SLC25A4: variants seen among roughly 807,000 people sequenced by gnomAD.
The protein encoded by SLC25A4 is ADP/ATP translocase 1.
Under a neutral mutation model 24.7 loss-of-function variants are expected in SLC25A4, and 10 were observed. The ratio of observed to expected loss-of-function variants is 0.41; its 90% CI spans 0.25 to 0.69. SLC25A4 has a LOEUF of 0.69. SLC25A4 is among the 30% of genes least tolerant of loss of function. The probability of loss-of-function intolerance (pLI) is 0.35; values close to 1 mark genes in which losing one functional copy is unlikely to be tolerated. For missense variants in SLC25A4, 273 were observed against 387.6 expected (o/e 0.70, Z 2.48); for synonymous variants, 125 against 153.3 (o/e 0.82, Z 1.36).
Position 185,144,652 on chromosome 4 carries a change from C to T in SLC25A4, c.112-112C>T, listed in dbSNP as rs147642953. Reference sequence around the variant, plus strand: ...TCAGTATCCATTTGATTTCCTCATCCTTTTTTTCTTCAAAAAAAAAATCTA... The same window carrying T: ...TCAGTATCCATTTGATTTCCTCATCTTTTTTTTCTTCAAAAAAAAAATCTA... On this transcript the variant is annotated intron_variant, in intron 1 of 3. Transcript: ENST00000281456. 4.0e-6 allele frequency: 4 copies of T among 1,002,244 alleles called. No homozygotes were observed. In the East Asian group the frequency reaches 9.9e-5, roughly 25 times the overall value. 62.1% of individuals were successfully genotyped at this position (1,002,244 alleles called of 1,614,324 possible). A position where few individuals can be genotyped will look rare whatever the true frequency, so the allele number is the denominator to read the frequency against.
At position 185,143,339 on chromosome 4, in the gene SLC25A4, G is replaced by A. The variant is rs1734377829; in HGVS notation, c.-34G>A. 3.8e-6 allele frequency: 5 copies of A among 1,324,380 alleles called. No homozygotes were observed. The highest frequency in any genetic ancestry group is 5.2e-6 in the Non-Finnish European group (5 of 953,662). 82.0% of individuals were successfully genotyped at this position (1,324,380 alleles called of 1,614,324 possible). The stretch of plus-strand genomic sequence containing the variant: ...CGGGCGTGGGCGAGAGCACGAACGG[G>A]CTGCCTGCGGGCTGAGAGCGTCGAG... On this transcript the variant is annotated 5_prime_UTR_variant, in exon 1 of 4. Transcript: ENST00000281456.
rs1734427342 is a variant in SLC25A4, at chr4:185,145,558, G to A, written c.599-201G>A. The A allele has an allele frequency of 1.5e-6, 1 of 686,850 alleles. No homozygotes were observed. The highest frequency in any genetic ancestry group is 1.9e-5 in the South Asian group (1 of 52,582). The allele number at this position is 686,850 out of a possible 1,614,324, so 42.5% of individuals were successfully genotyped here. On this transcript the variant is annotated intron_variant, in intron 2 of 3. Transcript: ENST00000281456. This position sits in a 1 kb window ranked among gnomAD's most constrained non-coding sequence, Gnocchi z 5.5. ...ACTTCCAATGCCCTGTATACAAGCTGAGCACTGCCCCTCCGGGGTCCGGAG... is the reference window on the plus strand; with the variant it reads ...ACTTCCAATGCCCTGTATACAAGCTAAGCACTGCCCCTCCGGGGTCCGGAG...
At chr4:185,144,717 T>G (rs1407210587) in intron 1 of SLC25A4, 47 bp from the exon 2 acceptor site, 2 of 1,596,098 alleles carry the variant, frequency 1.3e-6, no homozygotes, top group Admixed American at 3.3e-5. Context: ...CCTCTTCCCT[T>G]CTCTCTACCC....
intron 3 of SLC25A4, among the ~76,000 whole-genome samples, chr4:185,146,346 T>G (rs181098842): frequency 2.0e-5 from 3 of 152,088 alleles, no homozygotes; most frequent in Non-Finnish European, 4.4e-5. Context: ...CTTCTATAGG[T>G]TGAACCATAC....
Position 185,150,376 on chromosome 4 carries a change from C to G in SLC25A4, c.*3405C>G, listed in dbSNP as rs549902846. ...TGTCAAGCCCTTAAATAAAATTTAA[C>G]AAAGTCTACCGTGTCACAAATTCTT... On this transcript the variant is annotated 3_prime_UTR_variant, in exon 4 of 4. Coordinates refer to ENST00000281456, the MANE Select transcript of SLC25A4 (RefSeq NM_001151.4). The G allele has an allele frequency of 6.6e-6, 1 of 152,194 alleles. No homozygotes were observed. The highest frequency in any genetic ancestry group is 2.4e-5 in the African/African-American group (1 of 41,454). 9.4% of individuals were successfully genotyped at this position (152,194 alleles called of 1,614,324 possible).
intron 3 of SLC25A4, 84 bp from the exon 4 acceptor site, chr4:185,146,730 G>A: frequency 6.6e-7 from 1 of 1,512,324 alleles, no homozygotes; most frequent in Admixed American, 1.7e-5. Flanking sequence ...TATAAAACTG[G>A]TAACAGTGTG....
rs1301342196 is a variant in SLC25A4, at chr4:185,145,295, G to T, written c.598+45G>T. On this transcript the variant is annotated intron_variant, in intron 2 of 3. Transcript: ENST00000281456. This position sits in a 1 kb window ranked among gnomAD's most constrained non-coding sequence, Gnocchi z 5.5. The stretch of plus-strand genomic sequence containing the variant: ...GAGAAGGAGGGTGGTGTGGAAAGAG[G>T]ATCCTATGGGATCTATAACTCACAA... 6.2e-7 allele frequency: 1 copy of T among 1,612,004 alleles called. No homozygotes were observed. Among genetic ancestry groups the T allele is most frequent in the Admixed American group, 1.7e-5 (1 of 60,024 alleles).
rs776796321 is a variant in SLC25A4 at position 185,145,062 on chromosome 4, C to G, written c.410C>G (p.Ala137Gly). ...TGCTTTGTCTACCCGCTGGACTTTG[C>G]TAGGACCAGGTTGGCTGCTGATGTG... ...SLCFVYPLDF[A>G]RTRLAADVGK... Residue 137 changes from alanine (A) to glycine (G), a missense_variant, in exon 2 of 4, where the codon GCT becomes GGT. Coordinates refer to ENST00000281456, the MANE Select transcript of SLC25A4 (RefSeq NM_001151.4). This position sits in a 1 kb window ranked among gnomAD's most constrained non-coding sequence, Gnocchi z 5.5. 6.2e-7 allele frequency: 1 copy of G among 1,614,066 alleles called. No individual in the cohort carries two copies. The highest frequency in any genetic ancestry group is 1.1e-5 in the South Asian group (1 of 91,076).
At chr4:185,143,754 G>C (rs1027671190) in intron 1 of SLC25A4, among the ~76,000 whole-genome samples, 2 of 152,032 alleles carry the variant, frequency 1.3e-5, no homozygotes, top group African/African-American at 4.8e-5. Flanking sequence ...CGGTTTACGT[G>C]TGCCAGATCC....
At chr4:185,146,449 C>A (rs1734444200) in intron 3 of SLC25A4, among the ~76,000 whole-genome samples, 1 of 152,210 alleles carries the variant, frequency 6.6e-6, no homozygotes, top group Admixed American at 6.5e-5. Context: ...GACTGCATAA[C>A]CTCGTGCAGG....
chr4:185,144,880 C>G lies in SLC25A4; in HGVS notation c.228C>G (p.Ala76=). ...TCTCCTTCTGGAGGGGTAACCTGGC[C>G]AACGTGATCCGTTACTTCCCCACCC... ...GFLSFWRGNL[A]NVIRYFPTQA... The change falls in exon 2 of 4, where the codon GCC becomes GCG. Residue 76 remains alanine, a synonymous_variant. Coordinates refer to ENST00000281456, the MANE Select transcript of SLC25A4 (RefSeq NM_001151.4). 2 of 1,614,164 alleles carry G rather than the reference C, an allele frequency of 1.2e-6. No individual in the cohort carries two copies. The highest frequency in any genetic ancestry group is 1.7e-6 in the Non-Finnish European group (2 of 1,180,026).
intron 3 of SLC25A4, among the ~76,000 whole-genome samples, chr4:185,146,349 A>G (rs897299188): frequency 6.6e-6 from 1 of 152,224 alleles, no homozygotes; most frequent in Non-Finnish European, 1.5e-5. Flanking sequence ...CTATAGGTTG[A>G]ACCATACGAA....
In SLC25A4 at chr4:185,145,929, GT is replaced by G. The variant is rs1291075434; in HGVS notation, c.739+33del. The G allele has an allele frequency of 5.6e-6, 9 of 1,613,588 alleles. No individual in the cohort carries two copies. The highest frequency in any genetic ancestry group is 1.7e-5 in the Admixed American group (1 of 59,940). On this transcript the variant is annotated intron_variant, in intron 3 of 3. Coordinates refer to ENST00000281456, the MANE Select transcript of SLC25A4 (RefSeq NM_001151.4). This position sits in a 1 kb window ranked among gnomAD's most constrained non-coding sequence, Gnocchi z 5.5. ...GCTTGTGCTCTACTCATCTAAACTT[GT>G]TTGGTTTTGCCCGAGGAGAACATTT...
At position 185,150,234 on chromosome 4, in the gene SLC25A4, G is replaced by C. The variant is rs932224312; in HGVS notation, c.*3263G>C. ...GGAACCTACAAAATATTTGGGAAAGGGTTTCATCAGTTCGGGTGAAATCTT... is the reference window on the plus strand; with the variant it reads ...GGAACCTACAAAATATTTGGGAAAGCGTTTCATCAGTTCGGGTGAAATCTT... On this transcript the variant is annotated 3_prime_UTR_variant, in exon 4 of 4. Transcript: ENST00000281456. 19 of 152,372 alleles carry C rather than the reference G, an allele frequency of 1.2e-4. No individual in the cohort carries two copies. Among genetic ancestry groups the C allele is most frequent in the African/African-American group, 4.6e-4 (19 of 41,582 alleles). The allele number at this position is 152,372 out of a possible 1,614,324, so 9.4% of individuals were successfully genotyped here.
chr4:185,145,827 G>A lies in SLC25A4; in HGVS notation c.667G>A (p.Val223Ile), dbSNP rs562561969. The A allele has an allele frequency of 6.2e-7, 1 of 1,614,200 alleles. No individual in the cohort carries two copies. Among genetic ancestry groups the A allele is most frequent in the East Asian group, 2.2e-5 (1 of 44,886 alleles). The change falls in exon 3 of 4, where the codon GTC (valine) becomes ATC (isoleucine). Residue 223 changes from valine to isoleucine, a missense_variant. Val to Ile is a conservative substitution (Grantham distance 29). Coordinates refer to ENST00000281456, the MANE Select transcript of SLC25A4 (RefSeq NM_001151.4). The surrounding 1 kb of genome is among the most constrained non-coding windows in gnomAD (Gnocchi z 5.5). ...SWMIAQSVTAVAGLVSYPFDT... is the reference protein window; with the variant it reads ...SWMIAQSVTAIAGLVSYPFDT... ...GATGATTGCCCAGAGTGTGACGGCAGTCGCAGGGCTGGTGTCCTACCCCTT... is the reference window on the plus strand; with the variant it reads ...GATGATTGCCCAGAGTGTGACGGCAATCGCAGGGCTGGTGTCCTACCCCTT...
chr4:185,143,637 G>A (rs1241503504), intron 1 of SLC25A4, among the ~76,000 whole-genome samples, 154 bp downstream of exon 1: 6 of 142,976 alleles, frequency 4.2e-5, no homozygotes, highest in Non-Finnish European at 6.1e-5. Flanking sequence ...GCCCGCGGGG[G>A]AAGAAGGTGC....
intron 1 of SLC25A4, 45 bp downstream of exon 1, chr4:185,143,528 C>A: frequency 1.2e-6 from 1 of 863,378 alleles, no homozygotes; most frequent in Non-Finnish European, 1.5e-6. Flanking sequence ...CGCGGCGGGC[C>A]GGGCGGGGCG....
At chr4:185,144,401 G>C (rs1444225046) in intron 1 of SLC25A4, among the ~76,000 whole-genome samples, 2 of 152,114 alleles carry the variant, frequency 1.3e-5, no homozygotes, top group African/African-American at 4.8e-5. Flanking sequence ...CTTTGAAGCA[G>C]GGAGTGTTAC....
At position 185,145,538 on chromosome 4, in the gene SLC25A4, C is replaced by T. The variant is rs1734427069; in HGVS notation, c.599-221C>T. On this transcript the variant is annotated intron_variant, in intron 2 of 3. Coordinates refer to ENST00000281456, the MANE Select transcript of SLC25A4 (RefSeq NM_001151.4). This position sits in a 1 kb window ranked among gnomAD's most constrained non-coding sequence, Gnocchi z 5.5. ...ACTGAGTTTAACTTGAAGCCACTTCCAATGCCCTGTATACAAGCTGAGCAC... is the reference window on the plus strand; with the variant it reads ...ACTGAGTTTAACTTGAAGCCACTTCTAATGCCCTGTATACAAGCTGAGCAC... The T allele has an allele frequency of 1.5e-6, 1 of 669,240 alleles. No homozygotes were observed. The highest frequency in any genetic ancestry group is 1.9e-5 in the South Asian group (1 of 51,762). 41.5% of individuals were successfully genotyped at this position (669,240 alleles called of 1,614,324 possible).
Sources: gnomAD v4.1 joint callset for allele counts (sites outside exome capture counted in the v4.1 genomes callset) on GRCh38, gnomAD v4.1.1 for gene constraint, Gnocchi (gnomAD v3.1) non-coding constraint, MANE v1.5 for transcripts, NCBI Gene and HGNC (gene_info 2026-07-23, HGNC 2026-07-21) for gene names.